SLC22A3: variants seen among roughly 807,000 people sequenced by gnomAD.
The protein encoded by SLC22A3 is solute carrier family 22 member 3.
SLC22A3 carries 51 observed loss-of-function variants against 59.1 expected under a neutral mutation model. That is an observed-to-expected ratio of 0.86 (90% CI 0.69 to 1.09). SLC22A3 has a LOEUF of 1.09. Ranked by LOEUF, SLC22A3 falls within the 50% of genes least tolerant of loss-of-function variation. SLC22A3 has a pLI of 0.00. For synonymous variants in SLC22A3, 325 were observed against 292.0 expected (o/e 1.11, Z -1.15); for missense variants, 711 against 726.3 (o/e 0.98, Z 0.24).
chr6:160,414,455 T>C lies in SLC22A3; in HGVS notation c.975+3609T>C, dbSNP rs1187911117. On this transcript the variant is annotated intron_variant, in intron 5 of 10. Transcript: ENST00000275300. ...CTCCCAAAGTGATTAATGAGTTGAGTGTGTTTATTTAAACATAGTTTATAT... is the reference window on the plus strand; with the variant it reads ...CTCCCAAAGTGATTAATGAGTTGAGCGTGTTTATTTAAACATAGTTTATAT... Among the ~76,000 whole-genome samples, 7 of 152,316 alleles carry C rather than the reference T, an allele frequency of 4.6e-5. No individual in the cohort carries two copies. In the East Asian group the frequency reaches 1.2e-3, roughly 25 times the overall value.
chr6:160,431,418 G>A (rs1489919519), intron 5 of SLC22A3, among the ~76,000 whole-genome samples: 1 of 152,196 alleles, frequency 6.6e-6, no homozygotes, highest in Non-Finnish European at 1.5e-5. Flanking sequence ...TCACTGTGGA[G>A]ATGTTAGTAA....
At chr6:160,378,574 G>T (rs7754846) in intron 1 of SLC22A3, among the ~76,000 whole-genome samples, 1 of 152,144 alleles carries the variant, frequency 6.6e-6, no homozygotes, top group Non-Finnish European at 1.5e-5. Context: ...ATTTCTTTTC[G>T]TGGAATGTCT....
intron 1 of SLC22A3, among the ~76,000 whole-genome samples, chr6:160,374,240 G>C (rs551083871): frequency 1.3e-5 from 2 of 152,162 alleles, no homozygotes; most frequent in African/African-American, 4.8e-5. Context: ...GTTTCTCAAG[G>C]CTTCTCTTGG....
chr6:160,414,442 TTAA>T (rs1408261776), intron 5 of SLC22A3, among the ~76,000 whole-genome samples: 1 of 152,226 alleles, frequency 6.6e-6, no homozygotes, highest in African/African-American at 2.4e-5. Flanking sequence ...CCCAAAGTGA[TTAA>T]TGAGTTGAGT....
At chr6:160,363,498 G>C (rs983931650) in intron 1 of SLC22A3, among the ~76,000 whole-genome samples, 1 of 152,200 alleles carries the variant, frequency 6.6e-6, no homozygotes, top group South Asian at 2.1e-4. Flanking sequence ...ACCCCTGGCA[G>C]GCGTGTGCCC....
intron 1 of SLC22A3, among the ~76,000 whole-genome samples, chr6:160,368,648 C>A (rs1241948778): frequency 1.3e-5 from 2 of 152,166 alleles, no homozygotes; most frequent in East Asian, 3.9e-4. Flanking sequence ...ATCATCCCCG[C>A]CACACCACAG....
rs117885824 is a variant in SLC22A3 at position 160,418,457 on chromosome 6, A to G, written c.975+7611A>G. 2.1e-3 allele frequency among the ~76,000 whole-genome samples: 313 copies of G among 152,288 alleles called. 7 individuals are homozygous for G. The East Asian group carries it at 0.05, about 24-fold the overall frequency. On this transcript the variant is annotated intron_variant, in intron 5 of 10. Transcript: ENST00000275300. ...TTCCTACCTCCTCAGCTTGCAGACA[A>G]CCTATCGTGGGACTTCACCTTGTGG...
intron 5 of SLC22A3, chr6:160,426,086 C>A (rs1297425292): frequency 2.0e-6 from 2 of 985,270 alleles, no homozygotes; most frequent in African/African-American, 3.5e-5. Context: ...AGTAAGCAAC[C>A]CGCAAACTCC....
rs939305092 is a variant in SLC22A3 at position 160,374,654 on chromosome 6, C to T, written c.430-23325C>T. Among the ~76,000 whole-genome samples the T allele has an allele frequency of 2.6e-5, 4 of 152,240 alleles. No homozygotes were observed. The South Asian group carries it at 6.2e-4, about 24-fold the overall frequency. ...ATTACCCAGCGTGTGTGGAGAGGCC[C>T]CTGGCTTTGGAGATGGGGGGCATTT... On this transcript the variant is annotated intron_variant, in intron 1 of 10. Transcript: ENST00000275300.
intron 1 of SLC22A3, among the ~76,000 whole-genome samples, chr6:160,388,958 A>G (rs1003256151): frequency 6.6e-6 from 1 of 152,232 alleles, no homozygotes; most frequent in African/African-American, 2.4e-5. Context: ...GACCAGTGTT[A>G]GGAAATGCAA....
chr6:160,378,399 G>A (rs1308718683), intron 1 of SLC22A3, among the ~76,000 whole-genome samples: 2 of 152,158 alleles, frequency 1.3e-5, no homozygotes, highest in Non-Finnish European at 2.9e-5. Context: ...GAAAATGTAG[G>A]CTTTGGCAAG....
intron 1 of SLC22A3, among the ~76,000 whole-genome samples, chr6:160,374,143 C>T (rs1331123050): frequency 2.0e-5 from 3 of 152,212 alleles, no homozygotes; most frequent in Non-Finnish European, 4.4e-5. Flanking sequence ...GGTATAGGCA[C>T]CCGAGGGAAT....
At chr6:160,359,804 T>G (rs555345754) in intron 1 of SLC22A3, among the ~76,000 whole-genome samples, 1 of 152,348 alleles carries the variant, frequency 6.6e-6, no homozygotes, top group Non-Finnish European at 1.5e-5. Context: ...TACTTTACAT[T>G]TCAACAGATA....
At position 160,441,607 on chromosome 6, in the gene SLC22A3, C is replaced by CTTT. The variant is rs3066987; in HGVS notation, c.1289-1140_1289-1138dup. On this transcript the variant is annotated intron_variant, in intron 7 of 10. Coordinates refer to ENST00000275300, the MANE Select transcript of SLC22A3 (RefSeq NM_021977.4). ...AATTGTTTTATTTAATGAATTTTAG[C>CTTT]TTTTTTTTTTTTTTTTGACTTGGCT... Among the ~76,000 whole-genome samples, 293 of 136,566 alleles carry CTTT rather than the reference C, an allele frequency of 2.1e-3. 2 individuals carry two copies. The highest frequency in any genetic ancestry group is 2.6e-3 in the Non-Finnish European group (169 of 64,562). 89.6% of individuals were successfully genotyped at this position (136,566 alleles called of 152,430 possible). A position where few individuals can be genotyped will look rare whatever the true frequency, so the allele number is the denominator to read the frequency against.
chr6:160,439,422 A>G (rs9456541), intron 7 of SLC22A3, among the ~76,000 whole-genome samples: 3,517 of 152,030 alleles, frequency 0.023, 127 homozygotes, highest in African/African-American at 0.079. Context: ...ATTTCATGAT[A>G]TATATATATA....
chr6:160,408,685 T>C (rs536368258), intron 3 of SLC22A3, 68 bp from the exon 4 acceptor site: 2 of 1,479,588 alleles, frequency 1.4e-6, no homozygotes, highest in East Asian at 2.3e-5. Flanking sequence ...GTAACATCTC[T>C]GTATTTGTTT....
rs316245 is a variant in SLC22A3 at position 160,375,418 on chromosome 6, G to A, written c.430-22561G>A. Among the ~76,000 whole-genome samples, 792 of 152,242 alleles carry A rather than the reference G, an allele frequency of 5.2e-3. 12 individuals carry two copies. In the East Asian group the frequency reaches 0.062, roughly 12 times the overall value. ...TTTAAGATCAAGATGCATAACTCTT[G>A]TAATCAAAAGCTTACACATTTCCTA... On this transcript the variant is annotated intron_variant, in intron 1 of 10. Transcript: ENST00000275300.
At chr6:160,412,222 G>A (rs923275076) in intron 5 of SLC22A3, among the ~76,000 whole-genome samples, 8 of 152,136 alleles carry the variant, frequency 5.3e-5, no homozygotes, top group Non-Finnish European at 1.2e-4. Flanking sequence ...AATTAGCGAG[G>A]AGTGGAGACG....
chr6:160,352,072 CCA>C (rs1414775235), intron 1 of SLC22A3, among the ~76,000 whole-genome samples: 1 of 152,200 alleles, frequency 6.6e-6, no homozygotes, highest in African/African-American at 2.4e-5. Context: ...GTGTCAGGAT[CCA>C]CAGTCAGCCA....
Sources: allele counts gnomAD v4.1 joint callset (sites outside exome capture counted in the v4.1 genomes callset), GRCh38; gene constraint gnomAD v4.1.1; transcripts MANE v1.5; gene names NCBI Gene and HGNC (gene_info 2026-07-23, HGNC 2026-07-21).